Variants in FRMPD4 observed in about 807,000 individuals in gnomAD.
FRMPD4 encodes the protein FERM and PDZ domain containing 4, also known as FERM and PDZ domain-containing protein 4.
Under a neutral mutation model 94.1 loss-of-function variants are expected in FRMPD4, and 22 were observed. The observed-to-expected ratio is 0.23, with a 90% CI of 0.17 to 0.33. The LOEUF is 0.33. FRMPD4 is among the 10% of genes least tolerant of loss of function. FRMPD4 has a pLI of 1.00. For missense variants in FRMPD4, 1,111 were observed against 1,339.9 expected (o/e 0.83, Z 2.67); for synonymous variants, 631 against 548.6 (o/e 1.15, Z -2.10).
At chrX:12,000,359 T>C (rs2054518347) in intron 3 of FRMPD4, among the ~76,000 whole-genome samples, 1 of 112,257 alleles carries the variant, frequency 8.9e-6, no homozygotes, top group Non-Finnish European at 1.9e-5. Context: ...TCAACTCTTA[T>C]TTTAAAATAT....
intron 7 of FRMPD4, among the ~76,000 whole-genome samples, chrX:12,688,399 C>A (rs2060049154): frequency 8.9e-6 from 1 of 112,122 alleles, no homozygotes; most frequent in Admixed American, 9.5e-5. Context: ...GTTTGATTTC[C>A]CTGAGGATTG....
chrX:12,174,569 C>G (rs906467860), intron 1 of FRMPD4, among the ~76,000 whole-genome samples: 2 of 111,979 alleles, frequency 1.8e-5, no homozygotes, highest in Non-Finnish European at 3.8e-5. Context: ...ACTCCGTCCC[C>G]TTCTTCCACT....
chrX:12,350,123 G>C (rs112280950), intron 1 of FRMPD4, among the ~76,000 whole-genome samples: 4,758 of 110,790 alleles, frequency 0.043, 233 homozygotes, highest in African/African-American at 0.14. Context: ...GTAACTACTA[G>C]AAGACCAAAA....
chrX:12,144,753 T>A (rs1311775258), intron 1 of FRMPD4, among the ~76,000 whole-genome samples: 2 of 107,254 alleles, frequency 1.9e-5, no homozygotes, highest in East Asian at 5.6e-4. Flanking sequence ...TGTTTTTACA[T>A]TTGAAGTATA....
Position 12,609,753 on chromosome X carries a change from C to T in FRMPD4, c.191C>T (p.Pro64Leu), listed in dbSNP as rs2059163154. Residue 64 changes from proline (P) to leucine (L), a missense_variant, in exon 3 of 17, where the codon CCT becomes CTT. Transcript: ENST00000675598. Reference protein sequence around the residue: ...HMTQAIPFDDPRLESCQIIPP... With the variant: ...HMTQAIPFDDLRLESCQIIPP... ...ACACAGGCAATCCCTTTTGACGACC[C>T]TCGGTTAGAGAGCTGCCAAATCATC... The T allele has an allele frequency of 8.3e-7, 1 of 1,209,356 alleles. No homozygotes were observed. Among genetic ancestry groups the T allele is most frequent in the African/African-American group, 1.7e-5 (1 of 57,806 alleles).
intron 1 of FRMPD4, among the ~76,000 whole-genome samples, chrX:12,442,251 G>A (rs2057146420): frequency 1.8e-5 from 2 of 111,789 alleles, no homozygotes; most frequent in African/African-American, 6.5e-5. Context: ...TCACAGGGCT[G>A]TTTGCCTCAG....
intron 3 of FRMPD4, among the ~76,000 whole-genome samples, chrX:12,127,290 G>A (rs2055508450): frequency 9.0e-6 from 1 of 111,664 alleles, no homozygotes; most frequent in Non-Finnish European, 1.9e-5. Context: ...AGGTTTAATT[G>A]ACTCACAGTT....
intron 1 of FRMPD4, among the ~76,000 whole-genome samples, chrX:12,423,004 C>T (rs6640987): frequency 0.25 from 27,403 of 110,246 alleles, 2,903 homozygotes; most frequent in East Asian, 0.54. Flanking sequence ...AAAGGGTTTT[C>T]TTGACAGCTG....
intron 1 of FRMPD4, among the ~76,000 whole-genome samples, chrX:12,336,677 T>C (rs1468012295): frequency 9.0e-6 from 1 of 111,391 alleles, no homozygotes; most frequent in Non-Finnish European, 1.9e-5. Context: ...CCTTTCTCCA[T>C]AACATCTATT....
At chrX:12,485,668 T>A (rs980098919) in intron 1 of FRMPD4, among the ~76,000 whole-genome samples, 4 of 111,370 alleles carry the variant, frequency 3.6e-5, no homozygotes, top group African/African-American at 1.3e-4. Context: ...GCGGTCACCA[T>A]GGTCGTGTAT....
chrX:12,194,169 G>T (rs1188861015), intron 1 of FRMPD4, among the ~76,000 whole-genome samples: 1 of 110,785 alleles, frequency 9.0e-6, no homozygotes, highest in Admixed American at 9.6e-5. Context: ...GTTCAGGAGG[G>T]CCTGTGTAGT....
intron 3 of FRMPD4, among the ~76,000 whole-genome samples, chrX:12,126,691 A>G (rs1325841813): frequency 8.9e-6 from 1 of 111,772 alleles, no homozygotes; most frequent in Non-Finnish European, 1.9e-5. Flanking sequence ...TGCTGCTTTT[A>G]CTGAATTCCT....
At chrX:12,428,698 C>G (rs755706722) in intron 1 of FRMPD4, among the ~76,000 whole-genome samples, 1 of 111,672 alleles carries the variant, frequency 9.0e-6, no homozygotes, top group Non-Finnish European at 1.9e-5. Flanking sequence ...GCTTCTTTCT[C>G]AGCAGATTTA....
chrX:12,340,760 G>T (rs1601836947), intron 1 of FRMPD4, among the ~76,000 whole-genome samples: 1 of 111,633 alleles, frequency 9.0e-6, no homozygotes, highest in African/African-American at 3.3e-5. Context: ...TTTTCAATGC[G>T]CTCCAAACTT....
At chrX:12,193,835 G>GAAGGAAGGA (rs1569186772) in intron 1 of FRMPD4, among the ~76,000 whole-genome samples, 1 of 28,634 alleles carries the variant, frequency 3.5e-5, no homozygotes, top group African/African-American at 1.6e-4. Context: ...AGGAGGGAAG[G>GAAGGAAGGA]AAGAAAGAAA....
At position 12,668,597 on chromosome X, in the gene FRMPD4, C is replaced by CTTTTT. The variant is rs61675840; in HGVS notation, c.423-6248_423-6244dup. Among the ~76,000 whole-genome samples the CTTTTT allele has an allele frequency of 1.3e-3, 96 of 71,561 alleles. 2 individuals carry two copies. Among genetic ancestry groups the CTTTTT allele is most frequent in the East Asian group, 3.0e-3 (6 of 1,991 alleles). 62.1% of individuals were successfully genotyped at this position (71,561 alleles called of 115,157 possible). On this transcript the variant is annotated intron_variant, in intron 4 of 16. Coordinates refer to ENST00000675598, the MANE Select transcript of FRMPD4 (RefSeq NM_001368397.1). Reference sequence around the variant, plus strand: ...GAGGTTAAGTCATGAATGGAAACTACTTTTTTTTTTTTTTTTTTTTTTGTG... The same window carrying CTTTTT: ...GAGGTTAAGTCATGAATGGAAACTACTTTTTTTTTTTTTTTTTTTTTTTTTTTGTG...
At chrX:12,360,414 C>T (rs2055967188) in intron 1 of FRMPD4, among the ~76,000 whole-genome samples, 1 of 111,295 alleles carries the variant, frequency 9.0e-6, no homozygotes, top group Admixed American at 9.5e-5. Flanking sequence ...GGGCAACCAT[C>T]CATATATGTA....
At chrX:11,987,127 A>C (rs553042329) in intron 3 of FRMPD4, among the ~76,000 whole-genome samples, 9 of 96,189 alleles carry the variant, frequency 9.4e-5, no homozygotes, top group East Asian at 6.6e-4. Context: ...AAAAAAAAAA[A>C]AACAACTACA....
chrX:12,413,931 A>G lies in FRMPD4; in HGVS notation c.42-84749A>G, dbSNP rs191479770. On this transcript the variant is annotated intron_variant, in intron 1 of 16. Coordinates refer to ENST00000675598, the MANE Select transcript of FRMPD4 (RefSeq NM_001368397.1). Reference sequence around the variant, plus strand: ...ATATTTCAGTCTTCTATTTCTTTCAAATTCATTTAGTGTCTAGGTGATAAT... The same window carrying G: ...ATATTTCAGTCTTCTATTTCTTTCAGATTCATTTAGTGTCTAGGTGATAAT... Among the ~76,000 whole-genome samples, 6 of 112,045 alleles carry G rather than the reference A, an allele frequency of 5.4e-5. No individual in the cohort carries two copies. In the Admixed American group the frequency reaches 5.7e-4, roughly 11 times the overall value.
Sources: allele counts gnomAD v4.1 joint callset (sites outside exome capture counted in the v4.1 genomes callset), GRCh38; gene constraint gnomAD v4.1.1; transcripts MANE v1.5; gene names NCBI Gene and HGNC (gene_info 2026-07-23, HGNC 2026-07-21).